METTL25: variants seen among roughly 807,000 people sequenced by gnomAD.
The protein encoded by METTL25 is methyltransferase like 25.
In METTL25, 64 loss-of-function variants were observed where a neutral mutation model predicts 71.6. That is an observed-to-expected ratio of 0.89 (90% CI 0.73 to 1.10). The LOEUF (loss-of-function observed/expected upper bound fraction) is 1.10. Ranked by LOEUF, METTL25 falls within the 50% of genes least tolerant of loss-of-function variation. The pLI, the probability that METTL25 is intolerant of heterozygous loss-of-function variation, is 0.00. For missense variants in METTL25, 807 were observed against 707.0 expected (o/e 1.14, Z -1.60); for synonymous variants, 287 against 250.3 (o/e 1.15, Z -1.38).
intron 9 of METTL25, among the ~76,000 whole-genome samples, chr12:82,472,690 C>T (rs1892641155): frequency 6.6e-6 from 1 of 152,140 alleles, no homozygotes. Context: ...TGTAGGATTT[C>T]AATTTGGTTC....
Position 82,399,082 on chromosome 12 carries a change from T to G in METTL25, c.819T>G (p.Pro273=). The part of the protein sequence containing the change: ...NNSPTNQEKM[P]TSAILPDFSG... ...GTCCTACAAATCAAGAAAAGATGCC[T>G]ACCTCAGCTATTTTGCCTGATTTTT... The change falls in exon 4 of 12, where the codon CCT becomes CCG. Residue 273 remains proline, a synonymous_variant. Transcript: ENST00000248306. 6.2e-7 allele frequency: 1 copy of G among 1,613,088 alleles called. No homozygotes were observed. The highest frequency in any genetic ancestry group is 8.5e-7 in the Non-Finnish European group (1 of 1,179,294).
chr12:82,406,072 A>G (rs1435720978), intron 5 of METTL25, among the ~76,000 whole-genome samples: 1 of 152,180 alleles, frequency 6.6e-6, no homozygotes, highest in East Asian at 1.9e-4. Context: ...TAAAAAGTCA[A>G]TAGTTATGGA....
intron 1 of METTL25, among the ~76,000 whole-genome samples, chr12:82,372,672 T>C (rs1010285183): frequency 2.6e-5 from 4 of 152,120 alleles, no homozygotes; most frequent in African/African-American, 9.7e-5. Context: ...ACCTCTTTTT[T>C]AGGATTTGCA....
At chr12:82,410,986 T>A (rs1217091640) in intron 5 of METTL25, among the ~76,000 whole-genome samples, 1 of 152,086 alleles carries the variant, frequency 6.6e-6, no homozygotes, top group African/African-American at 2.4e-5. Context: ...GCTCAAATCT[T>A]AGAAAATCCC....
At chr12:82,474,778 C>T (rs1257101782) in intron 9 of METTL25, among the ~76,000 whole-genome samples, 3 of 152,050 alleles carry the variant, frequency 2.0e-5, no homozygotes, top group East Asian at 1.9e-4. Context: ...AAAAGGTGTT[C>T]TCACCTTTTC....
chr12:82,473,321 C>T (rs565306300), intron 9 of METTL25, among the ~76,000 whole-genome samples: 1 of 152,112 alleles, frequency 6.6e-6, no homozygotes, highest in South Asian at 2.1e-4. Flanking sequence ...CCAAGAGCTG[C>T]CCACAGGGAT....
At chr12:82,473,910 G>A (rs1342760362) in intron 9 of METTL25, among the ~76,000 whole-genome samples, 1 of 152,156 alleles carries the variant, frequency 6.6e-6, no homozygotes, top group African/African-American at 2.4e-5. Context: ...TATGGGCTTG[G>A]TGGAATGAAG....
intron 1 of METTL25, among the ~76,000 whole-genome samples, chr12:82,372,512 C>T (rs1279929583): frequency 6.6e-6 from 1 of 152,162 alleles, no homozygotes; most frequent in East Asian, 1.9e-4. Context: ...AAAGCTTGGA[C>T]ATAAGGTATT....
intron 8 of METTL25, among the ~76,000 whole-genome samples, chr12:82,443,378 G>A (rs1227536513): frequency 6.8e-6 from 1 of 147,314 alleles, no homozygotes; most frequent in Non-Finnish European, 1.5e-5. Flanking sequence ...GTGGAAGCTA[G>A]AAGTCAGTGA....
chr12:82,426,488 G>A (rs1253509198), intron 5 of METTL25, among the ~76,000 whole-genome samples: 2 of 152,004 alleles, frequency 1.3e-5, no homozygotes, highest in Admixed American at 6.6e-5. Context: ...AAGGAAGACT[G>A]CCCTTCTGTC....
intron 8 of METTL25, among the ~76,000 whole-genome samples, chr12:82,450,320 A>T (rs1891051065): frequency 6.6e-6 from 1 of 152,066 alleles, no homozygotes; most frequent in Non-Finnish European, 1.5e-5. Context: ...AGAAATCTTT[A>T]AGACATCCTT....
At chr12:82,426,709 GC>G (rs1889054739) in intron 5 of METTL25, among the ~76,000 whole-genome samples, 9 of 151,898 alleles carry the variant, frequency 5.9e-5, no homozygotes, top group African/African-American at 2.2e-4. Context: ...TCCAATCACA[GC>G]CCCATGGGCT....
chr12:82,387,734 CTT>C (rs1189617991), intron 2 of METTL25, among the ~76,000 whole-genome samples: 6 of 152,148 alleles, frequency 3.9e-5, no homozygotes, highest in South Asian at 2.1e-4. Flanking sequence ...CACACACACT[CTT>C]TTTCTGAATC....
chr12:82,423,679 C>T (rs1001874491), intron 5 of METTL25, among the ~76,000 whole-genome samples: 36 of 152,220 alleles, frequency 2.4e-4, no homozygotes, highest in African/African-American at 8.7e-4. Context: ...CTACAATGAA[C>T]TCAAACAAAT....
chr12:82,435,316 C>T (rs988177700), intron 7 of METTL25, among the ~76,000 whole-genome samples: 1 of 151,068 alleles, frequency 6.6e-6, no homozygotes, highest in Non-Finnish European at 1.5e-5. Flanking sequence ...AGAAATATTT[C>T]TTTTGCTTTT....
At chr12:82,435,506 A>T (rs1053654606) in intron 7 of METTL25, among the ~76,000 whole-genome samples, 3 of 151,402 alleles carry the variant, frequency 2.0e-5, no homozygotes, top group African/African-American at 7.3e-5. Context: ...ATAAAATCTG[A>T]TTCTTTTGAA....
chr12:82,424,901 C>T (rs1461055155), intron 5 of METTL25, among the ~76,000 whole-genome samples: 1 of 151,996 alleles, frequency 6.6e-6, no homozygotes, highest in Non-Finnish European at 1.5e-5. Flanking sequence ...ATGAAGTATT[C>T]TTCCCTAGAG....
intron 1 of METTL25, among the ~76,000 whole-genome samples, chr12:82,377,171 A>G (rs1236177503): frequency 1.3e-5 from 2 of 152,048 alleles, no homozygotes; most frequent in African/African-American, 2.4e-5. Context: ...GTTTGTTTTT[A>G]GTCTTTTTTT....
intron 9 of METTL25, among the ~76,000 whole-genome samples, chr12:82,459,513 G>C (rs530855438): frequency 6.6e-6 from 1 of 152,192 alleles, no homozygotes; most frequent in East Asian, 1.9e-4. Flanking sequence ...TCTAGTCCCA[G>C]CTACTTGGGT....
Sources: allele counts gnomAD v4.1 joint callset (sites outside exome capture counted in the v4.1 genomes callset), GRCh38; gene constraint gnomAD v4.1.1; transcripts MANE v1.5; gene names NCBI Gene and HGNC (gene_info 2026-07-23, HGNC 2026-07-21).